CCNB1IP1: variants seen among roughly 807,000 people sequenced by gnomAD.
CCNB1IP1 encodes cyclin B1 interacting protein 1, also known as E3 ubiquitin-protein ligase CCNB1IP1.
In CCNB1IP1, 14 loss-of-function variants were observed where a neutral mutation model predicts 25.6. That is an observed-to-expected ratio of 0.55 (90% CI 0.36 to 0.85). CCNB1IP1 has a LOEUF of 0.85. Ranked by LOEUF, CCNB1IP1 falls within the 40% of genes least tolerant of loss-of-function variation. CCNB1IP1 has a pLI of 0.01. For synonymous variants in CCNB1IP1, 119 were observed against 116.1 expected (o/e 1.02, Z -0.16); for missense variants, 278 against 342.4 (o/e 0.81, Z 1.48).
chr14:20,332,262 C>T (rs1883276744), intron 1 of CCNB1IP1, among the ~76,000 whole-genome samples: 1 of 151,824 alleles, frequency 6.6e-6, no homozygotes, highest in East Asian at 1.9e-4. Context: ...ATACCTATTA[C>T]TACATTCGAT....
rs1883305983 is a variant in CCNB1IP1 at position 20,333,244 on chromosome 14, GCA to G, written c.-431+8_-431+9del. On this transcript the variant is annotated splice_region_variant and intron_variant, in intron 1 of 6. Transcript: ENST00000358932. ...AAACAATTAGAGAGCAAAATTAAGC[GCA>G]CACTCACCAGCCCACCAAAACGGAG... 1 of 152,248 alleles carries G rather than the reference GCA, an allele frequency of 6.6e-6. No individual in the cohort carries two copies. The highest frequency in any genetic ancestry group is 6.5e-5 in the Admixed American group (1 of 15,276). 9.4% of individuals were successfully genotyped at this position (152,248 alleles called of 1,614,324 possible).
chr14:20,315,526 A>G, intron 5 of CCNB1IP1: 7 of 1,176,076 alleles, frequency 6.0e-6, no homozygotes, highest in Non-Finnish European at 7.5e-6. Context: ...GATGACAAAC[A>G]TCCTTAAGAA....
chr14:20,326,255 T>C lies in CCNB1IP1; in HGVS notation c.-153+461A>G, dbSNP rs116131027. Among the ~76,000 whole-genome samples, 237 of 152,324 alleles carry C rather than the reference T, an allele frequency of 1.6e-3. 1 individual carries two copies. The highest frequency in any genetic ancestry group is 5.4e-3 in the African/African-American group (224 of 41,570). ...AGTGTTTGAACTTTTAGATTAATGATTCCTGACCCTAGTTCTAACTCACAA... is the reference window on the plus strand; with the variant it reads ...AGTGTTTGAACTTTTAGATTAATGACTCCTGACCCTAGTTCTAACTCACAA... On this transcript the variant is annotated intron_variant, in intron 3 of 6. Transcript: ENST00000358932.
intron 5 of CCNB1IP1, chr14:20,314,144 C>CT: frequency 5.6e-6 from 1 of 179,780 alleles, no homozygotes; most frequent in East Asian, 1.5e-4. Context: ...AGAATAGACT[C>CT]TAAGACAACC....
At chr14:20,317,124 A>G (rs1313183633) in intron 4 of CCNB1IP1, among the ~76,000 whole-genome samples, 1 of 151,856 alleles carries the variant, frequency 6.6e-6, no homozygotes, top group Non-Finnish European at 1.5e-5. Flanking sequence ...ATGTATATAT[A>G]TAGGCTGGGC....
At chr14:20,321,235 T>C (rs1028390905) in intron 4 of CCNB1IP1, among the ~76,000 whole-genome samples, 1 of 152,182 alleles carries the variant, frequency 6.6e-6, no homozygotes, top group African/African-American at 2.4e-5. Context: ...TTTCAAGTAG[T>C]AGTTGTGCTA....
At position 20,322,429 on chromosome 14, in the gene CCNB1IP1, G is replaced by A. The variant is rs191587495; in HGVS notation, c.-38+3110C>T. Among the ~76,000 whole-genome samples the A allele has an allele frequency of 1.2e-3, 180 of 152,070 alleles. 1 individual carries two copies. The South Asian group carries it at 0.014, about 12-fold the overall frequency. Reference sequence around the variant, plus strand: ...CAAAAGAAGGTATCCTGCTTTCATGGAGTTTACAATCTACCAAAGGATCTA... The same window carrying A: ...CAAAAGAAGGTATCCTGCTTTCATGAAGTTTACAATCTACCAAAGGATCTA... On this transcript the variant is annotated intron_variant, in intron 4 of 6. Transcript: ENST00000358932.
chr14:20,322,712 T>A lies in CCNB1IP1; in HGVS notation c.-38+2827A>T, dbSNP rs1882935560. Reference sequence around the variant, plus strand: ...ATCGCGGCTTACTACAATCTCCACCTCCCGGGTTCAAGCGATTCTGTTGCC... The same window carrying A: ...ATCGCGGCTTACTACAATCTCCACCACCCGGGTTCAAGCGATTCTGTTGCC... On this transcript the variant is annotated intron_variant, in intron 4 of 6. Transcript: ENST00000358932. 3.3e-5 allele frequency among the ~76,000 whole-genome samples: 5 copies of A among 150,622 alleles called. No homozygotes were observed. In the South Asian group the frequency reaches 1.0e-3, roughly 32 times the overall value.
chr14:20,311,392 A>T lies in CCNB1IP1; in HGVS notation c.*158T>A, dbSNP rs1882471857. 3.9e-6 allele frequency: 2 copies of T among 508,300 alleles called. No individual in the cohort carries two copies. The highest frequency in any genetic ancestry group is 7.0e-6 in the Non-Finnish European group (2 of 285,246). 31.5% of individuals were successfully genotyped at this position (508,300 alleles called of 1,614,324 possible). ...CTGTAAAGTTAGCTAAATTATCTTT[A>T]TTTTTTTTTAGAAACAGGGTCTCAC... is the stretch of plus-strand genomic sequence containing the variant. On this transcript the variant is annotated 3_prime_UTR_variant, in exon 7 of 7. Coordinates refer to ENST00000358932, the MANE Select transcript of CCNB1IP1 (RefSeq NM_021178.5).
chr14:20,330,104 T>TAAA (rs772221716), intron 1 of CCNB1IP1, among the ~76,000 whole-genome samples: 6,157 of 98,170 alleles, frequency 0.063, 203 homozygotes, highest in Middle Eastern at 0.13. Context: ...TCCACAGCCA[T>TAAA]AAAAAAAAAA....
At chr14:20,327,107 C>CA (rs1317874293) in intron 2 of CCNB1IP1, among the ~76,000 whole-genome samples, 37 of 149,932 alleles carry the variant, frequency 2.5e-4, no homozygotes, top group South Asian at 1.1e-3. Flanking sequence ...ACAACAACAA[C>CA]AAAAAAAAAC....
chr14:20,311,745 G>A lies in CCNB1IP1; in HGVS notation c.639C>T (p.Asn213=). Residue 213 remains asparagine, a synonymous_variant, in exon 7 of 7, where the codon AAC becomes AAT. Coordinates refer to ENST00000358932, the MANE Select transcript of CCNB1IP1 (RefSeq NM_021178.5). ...GTGTATTATCCAAAGGAAACTTGGAGTTGTTACCTAGGGCAGAAAAAAAGG... is the reference window on the plus strand; with the variant it reads ...GTGTATTATCCAAAGGAAACTTGGAATTGTTACCTAGGGCAGAAAAAAAGG... ...SGVLGFPLGN[N]SKFPLDNTPV... is the part of the protein sequence containing the mutation. 4 of 1,613,246 alleles carry A rather than the reference G, an allele frequency of 2.5e-6. No homozygotes were observed. The highest frequency in any genetic ancestry group is 2.2e-5 in the South Asian group (2 of 91,044).
intron 4 of CCNB1IP1, among the ~76,000 whole-genome samples, chr14:20,324,205 G>A (rs1199467609): frequency 6.6e-6 from 1 of 151,922 alleles, no homozygotes; most frequent in East Asian, 1.9e-4. Context: ...CTTTTTTTCT[G>A]AGACGAAGTC....
At chr14:20,311,798 C>G (rs1283822251) in intron 6 of CCNB1IP1, 46 bp from the exon 7 acceptor site, 1 of 1,248,384 alleles carries the variant, frequency 8.0e-7, no homozygotes, top group Non-Finnish European at 1.2e-6. Context: ...CATTTGTTAT[C>G]TATATAATCT....
chr14:20,321,545 C>T (rs1387463452), intron 4 of CCNB1IP1, among the ~76,000 whole-genome samples: 5 of 152,014 alleles, frequency 3.3e-5, no homozygotes, highest in South Asian at 2.1e-4. Flanking sequence ...CTCCGCCTCC[C>T]GGGTTCAAGC....
At chr14:20,326,037 C>T (rs1883065061) in intron 3 of CCNB1IP1, among the ~76,000 whole-genome samples, 1 of 152,050 alleles carries the variant, frequency 6.6e-6, no homozygotes, top group African/African-American at 2.4e-5. Context: ...CGTTCTATTT[C>T]AATAAACATA....
In CCNB1IP1 at chr14:20,331,238, T is replaced by A. The variant is rs190507826; in HGVS notation, c.-430-1865A>T. On this transcript the variant is annotated intron_variant, in intron 1 of 6. Transcript: ENST00000358932. ...AAGTAAACACTGAAAGCATGCCCTTTCTGCCCCTGTGAATACAAAGATGAC... is the reference window on the plus strand; with the variant it reads ...AAGTAAACACTGAAAGCATGCCCTTACTGCCCCTGTGAATACAAAGATGAC... 1.9e-3 allele frequency among the ~76,000 whole-genome samples: 284 copies of A among 152,322 alleles called. 1 individual carries two copies. Among genetic ancestry groups the A allele is most frequent in the Admixed American group, 3.7e-3 (56 of 15,298 alleles).
intron 5 of CCNB1IP1, chr14:20,315,528 C>T: frequency 3.4e-6 from 4 of 1,189,886 alleles, no homozygotes; most frequent in Non-Finnish European, 4.2e-6. Flanking sequence ...TGACAAACAT[C>T]CTTAAGAAGT....
intron 5 of CCNB1IP1, chr14:20,315,958 A>G (rs12889262): frequency 0.47 from 210,779 of 452,836 alleles, 50,972 homozygotes; most frequent in Non-Finnish European, 0.51. Context: ...TTACTTTTAT[A>G]CAGAAGAGAG....
Sources: allele counts gnomAD v4.1 joint callset (sites outside exome capture counted in the v4.1 genomes callset), GRCh38; gene constraint gnomAD v4.1.1; transcripts MANE v1.5; gene names NCBI Gene and HGNC (gene_info 2026-07-23, HGNC 2026-07-21).